Variants in MAPK10 observed in about 807,000 individuals in gnomAD.
MAPK10 encodes JNK3 alpha protein kinase.
Under a neutral mutation model 59.3 loss-of-function variants are expected in MAPK10, and 25 were observed. That is an observed-to-expected ratio of 0.42 (90% confidence interval 0.31 to 0.59). The LOEUF is 0.59. Ranked by LOEUF, MAPK10 falls within the 20% of genes least tolerant of loss-of-function variation. MAPK10 has a pLI of 0.15. For missense variants in MAPK10, 351 were observed against 568.9 expected, an observed-to-expected ratio of 0.62 and a Z score of 3.90; for synonymous variants, 190 against 200.5, an observed-to-expected ratio of 0.95 and a Z score of 0.44.
chr4:86,046,272 T>A (rs2042480621), intron 11 of MAPK10, among the ~76,000 whole-genome samples: 1 of 151,776 alleles, frequency 6.6e-6, no homozygotes, highest in East Asian at 2.0e-4. Flanking sequence ...TGACTTCCTG[T>A]CTTCCTATTT....
chr4:86,461,751 GA>G (rs1751765888), intron 1 of MAPK10, among the ~76,000 whole-genome samples: 1 of 152,136 alleles, frequency 6.6e-6, no homozygotes, highest in Non-Finnish European at 1.5e-5. Context: ...TTATTTTGAA[GA>G]AAAAGAGTGG....
chr4:86,083,520 A>G (rs1281685082), intron 9 of MAPK10, among the ~76,000 whole-genome samples: 1 of 152,122 alleles, frequency 6.6e-6, no homozygotes, highest in Non-Finnish European at 1.5e-5. Context: ...GGAATCGCCA[A>G]TCCCAGCAGT....
chr4:86,395,671 A>G (rs1057432293), intron 1 of MAPK10, among the ~76,000 whole-genome samples: 1 of 152,092 alleles, frequency 6.6e-6, no homozygotes, highest in Non-Finnish European at 1.5e-5. Flanking sequence ...CTTAAAGGAG[A>G]GATATTCATT....
intron 11 of MAPK10, among the ~76,000 whole-genome samples, chr4:86,053,186 C>G (rs2043901254): frequency 6.6e-6 from 1 of 152,080 alleles, no homozygotes; most frequent in Non-Finnish European, 1.5e-5. Flanking sequence ...CTTTAAATTA[C>G]AGAGTTTATG....
At chr4:86,422,490 C>G (rs902418768) in intron 1 of MAPK10, among the ~76,000 whole-genome samples, 14 of 152,158 alleles carry the variant, frequency 9.2e-5, no homozygotes, top group African/African-American at 3.4e-4. Flanking sequence ...GCCAACAAAA[C>G]AAGAAGAAAT....
At chr4:86,562,334 T>C (rs1273530981) in intron 1 of MAPK10, among the ~76,000 whole-genome samples, 2 of 152,014 alleles carry the variant, frequency 1.3e-5, no homozygotes, top group Admixed American at 1.3e-4. Flanking sequence ...AAAGTTTTAA[T>C]TGTTAATCTA....
chr4:86,215,726 G>T (rs766130911), intron 2 of MAPK10, among the ~76,000 whole-genome samples: 3 of 152,094 alleles, frequency 2.0e-5, no homozygotes, highest in Non-Finnish European at 4.4e-5. Flanking sequence ...GCCGGGCGTT[G>T]TGGTGCTCAC....
chr4:86,220,778 A>G (rs2089305561), intron 2 of MAPK10, among the ~76,000 whole-genome samples: 1 of 152,082 alleles, frequency 6.6e-6, no homozygotes, highest in African/African-American at 2.4e-5. Flanking sequence ...GCATTTTAGC[A>G]TTTGGATCAA....
intron 4 of MAPK10, among the ~76,000 whole-genome samples, chr4:86,130,547 A>G (rs930395669): frequency 6.6e-6 from 1 of 152,192 alleles, no homozygotes; most frequent in Admixed American, 6.5e-5. Flanking sequence ...GAGGTGACCA[A>G]ATGAAATGTG....
At chr4:86,232,280 G>T (rs1338028819) in intron 2 of MAPK10, among the ~76,000 whole-genome samples, 1 of 152,174 alleles carries the variant, frequency 6.6e-6, no homozygotes, top group Non-Finnish European at 1.5e-5. Flanking sequence ...TAGATTCTAT[G>T]CAGATGCAAG....
At chr4:86,335,948 A>G (rs1435364329) in intron 2 of MAPK10, among the ~76,000 whole-genome samples, 1 of 152,172 alleles carries the variant, frequency 6.6e-6, no homozygotes, top group Non-Finnish European at 1.5e-5. Context: ...GGAGATTACA[A>G]TTGAGATGAT....
Position 86,124,720 on chromosome 4 carries a change from TC to T in MAPK10, c.237-17369del, listed in dbSNP as rs2059797772. ...GATTCCATAATCATACTTTAGAATA[TC>T]TTAATTTGTGAGAACAGTCTTTAGA... On this transcript the variant is annotated intron_variant, in intron 4 of 13. Coordinates refer to ENST00000641462, the MANE Select transcript of MAPK10 (RefSeq NM_138982.4). 2.6e-5 allele frequency: 4 copies of T among 152,044 alleles called. No homozygotes were observed. In the South Asian group the frequency reaches 8.3e-4, roughly 31 times the overall value. 9.4% of individuals were successfully genotyped at this position (152,044 alleles called of 1,614,324 possible). A position where few individuals can be genotyped will look rare whatever the true frequency, so the allele number is the denominator to read the frequency against.
At chr4:86,257,385 C>A (rs2093789459) in intron 2 of MAPK10, among the ~76,000 whole-genome samples, 1 of 152,186 alleles carries the variant, frequency 6.6e-6, no homozygotes, top group Non-Finnish European at 1.5e-5. Flanking sequence ...TGTACCATAT[C>A]CACTCACAGT....
At chr4:86,562,956 A>G (rs982636513) in intron 1 of MAPK10, among the ~76,000 whole-genome samples, 1 of 152,162 alleles carries the variant, frequency 6.6e-6, no homozygotes, top group East Asian at 1.9e-4. Flanking sequence ...TGTCATCTAA[A>G]TGCTTTAAGC....
intron 1 of MAPK10, among the ~76,000 whole-genome samples, chr4:86,433,869 TAGGG>T: frequency 6.6e-6 from 1 of 152,174 alleles, no homozygotes; most frequent in Non-Finnish European, 1.5e-5. Flanking sequence ...GAAATCAATT[TAGGG>T]AGCTACCACT....
At chr4:86,399,343 C>T (rs1342240390) in intron 1 of MAPK10, among the ~76,000 whole-genome samples, 2 of 152,122 alleles carry the variant, frequency 1.3e-5, no homozygotes, top group African/African-American at 4.8e-5. Flanking sequence ...ATTTTCATTT[C>T]TCTGATGACT....
chr4:86,485,267 C>T (rs1451241292), intron 1 of MAPK10, among the ~76,000 whole-genome samples: 3 of 152,144 alleles, frequency 2.0e-5, no homozygotes, highest in Non-Finnish European at 4.4e-5. Flanking sequence ...CCTCCTCTTA[C>T]ACTTTCTTAT....
chr4:86,402,264 T>C (rs1743825534), intron 1 of MAPK10, among the ~76,000 whole-genome samples: 1 of 152,172 alleles, frequency 6.6e-6, no homozygotes, highest in African/African-American at 2.4e-5. Context: ...GATGGTATTC[T>C]GATAAAAGAG....
chr4:86,416,256 G>GTCCT (rs1745850074), intron 1 of MAPK10, among the ~76,000 whole-genome samples: 3 of 152,312 alleles, frequency 2.0e-5, no homozygotes, highest in East Asian at 3.9e-4. Context: ...TGCAAGCCAA[G>GTCCT]GAGAGACGAC....
Sources: gnomAD v4.1 joint callset for allele counts (sites outside exome capture counted in the v4.1 genomes callset) on GRCh38, gnomAD v4.1.1 for gene constraint, MANE v1.5 for transcripts, NCBI Gene and HGNC (gene_info 2026-07-23, HGNC 2026-07-21) for gene names.